The following DESI2 variants were observed in gnomAD, a reference collection of about 807,000 sequenced individuals.
The protein encoded by DESI2 is desumoylating isopeptidase 2.
Under a neutral mutation model 24.1 loss-of-function variants are expected in DESI2, and 10 were observed. The observed-to-expected ratio is 0.41, with a 90% CI of 0.26 to 0.70. The LOEUF (loss-of-function observed/expected upper bound fraction) is 0.70, where lower values mean the gene tolerates loss of function less well. Ranked by LOEUF, DESI2 falls within the 30% of genes least tolerant of loss-of-function variation. DESI2 has a pLI of 0.29. For synonymous variants in DESI2, 71 were observed against 87.7 expected (o/e 0.81, Z 1.06); for missense variants, 122 against 234.9 (o/e 0.52, Z 3.14).
chr1:244,681,561 C>T (rs1453111117), intron 1 of DESI2, among the ~76,000 whole-genome samples: 2 of 152,170 alleles, frequency 1.3e-5, no homozygotes, highest in Non-Finnish European at 2.9e-5. Context: ...GTTAGATTCT[C>T]ATAAGGAACG....
chr1:244,707,685 A>G lies in DESI2; in HGVS notation c.*1896A>G, dbSNP rs992285914. On this transcript the variant is annotated 3_prime_UTR_variant, in exon 5 of 5. Coordinates refer to ENST00000302550, the MANE Select transcript of DESI2 (RefSeq NM_016076.5). ...ACAGTGTTTTCTAATTCATTCAAGT[A>G]TATATGATTTAAACCTGGGCTACTG... 6.6e-6 allele frequency: 1 copy of G among 152,196 alleles called. No homozygotes were observed. Among genetic ancestry groups the G allele is most frequent in the African/African-American group, 2.4e-5 (1 of 41,446 alleles). 9.4% of individuals were successfully genotyped at this position (152,196 alleles called of 1,614,324 possible).
chr1:244,656,166 G>A (rs1432747187), intron 1 of DESI2: 2 of 152,176 alleles, frequency 1.3e-5, no homozygotes, highest in African/African-American at 4.8e-5. Flanking sequence ...TTCCAACTCT[G>A]TAAATATGAA....
chr1:244,661,754 G>C (rs1675852647), intron 1 of DESI2, among the ~76,000 whole-genome samples: 1 of 152,114 alleles, frequency 6.6e-6, no homozygotes, highest in Admixed American at 6.5e-5. Flanking sequence ...ATTTTTTATG[G>C]CTGCATAGTA....
rs539586173 is a variant in DESI2 at position 244,708,806 on chromosome 1, C to A, written c.*3017C>A. ...AGTTAGTAGGCTTTCGTTGTCTTCT[C>A]TTTCAATACATGTACATCTTTACTG... On this transcript the variant is annotated 3_prime_UTR_variant, in exon 5 of 5. Transcript: ENST00000302550. 6.5e-6 allele frequency: 1 copy of A among 152,736 alleles called. No homozygotes were observed. The highest frequency in any genetic ancestry group is 1.9e-4 in the East Asian group (1 of 5,190). The allele number at this position is 152,736 out of a possible 1,614,324, so 9.5% of individuals were successfully genotyped here. A position where few individuals can be genotyped will look rare whatever the true frequency, so the allele number is the denominator to read the frequency against.
intron 1 of DESI2, among the ~76,000 whole-genome samples, chr1:244,678,843 G>A (rs1391307654): frequency 6.6e-6 from 1 of 152,160 alleles, no homozygotes; most frequent in Non-Finnish European, 1.5e-5. Context: ...ACCTTTTGGT[G>A]CTGTCGTTAA....
At chr1:244,657,209 ACTC>A (rs1338653316) in intron 1 of DESI2, among the ~76,000 whole-genome samples, 1 of 152,048 alleles carries the variant, frequency 6.6e-6, no homozygotes, top group Non-Finnish European at 1.5e-5. Context: ...TCTCCATTAG[ACTC>A]CTCCAACAGG....
intron 4 of DESI2, among the ~76,000 whole-genome samples, chr1:244,693,867 A>G (rs1410529440): frequency 6.6e-6 from 1 of 152,246 alleles, no homozygotes; most frequent in Non-Finnish European, 1.5e-5. Flanking sequence ...AATATGGTAT[A>G]TATTCCATTA....
chr1:244,653,466 C>G, intron 1 of DESI2, 111 bp downstream of exon 1: 3 of 1,174,930 alleles, frequency 2.6e-6, no homozygotes, highest in Non-Finnish European at 3.6e-6. Flanking sequence ...CCGCCTCCAG[C>G]CTAGTTCTCG....
In DESI2 at chr1:244,661,918, C is replaced by T. The variant is rs561060083; in HGVS notation, c.42+8563C>T. Reference sequence around the variant, plus strand: ...AGCATGATTTATAATCCTTTGGGTACATACCCAGTAATGGGATGGCTGGGT... The same window carrying T: ...AGCATGATTTATAATCCTTTGGGTATATACCCAGTAATGGGATGGCTGGGT... On this transcript the variant is annotated intron_variant, in intron 1 of 4. Transcript: ENST00000302550. 3.0e-3 allele frequency among the ~76,000 whole-genome samples: 456 copies of T among 152,270 alleles called. 2 individuals carry two copies. The highest frequency in any genetic ancestry group is 0.01 in the African/African-American group (436 of 41,548).
rs886659468 is a variant in DESI2, at chr1:244,653,142, G to T, written c.-172G>T. On this transcript the variant is annotated 5_prime_UTR_variant, in exon 1 of 5. Coordinates refer to ENST00000302550, the MANE Select transcript of DESI2 (RefSeq NM_016076.5). ...CGTCCGCACAGACGCTCCTGTCGGC[G>T]GCGCCCGGGAGCGGCTCGGCTGCCC... is the stretch of plus-strand genomic sequence containing the variant. The T allele has an allele frequency of 1.8e-6, 1 of 545,126 alleles. No homozygotes were observed. The highest frequency in any genetic ancestry group is 2.8e-6 in the Non-Finnish European group (1 of 353,772). The allele number at this position is 545,126 out of a possible 1,614,324, so 33.8% of individuals were successfully genotyped here. A position where few individuals can be genotyped will look rare whatever the true frequency, so the allele number is the denominator to read the frequency against.
At chr1:244,673,863 A>C (rs1676325063) in intron 1 of DESI2, among the ~76,000 whole-genome samples, 2 of 152,178 alleles carry the variant, frequency 1.3e-5, no homozygotes, top group Non-Finnish European at 2.9e-5. Flanking sequence ...TCTGTATCTA[A>C]AGGAATGTTT....
chr1:244,676,329 A>G (rs1331667090), intron 1 of DESI2, among the ~76,000 whole-genome samples: 1 of 151,976 alleles, frequency 6.6e-6, no homozygotes, highest in Non-Finnish European at 1.5e-5. Context: ...CGCCCGCCTC[A>G]GCCTCCCAAA....
chr1:244,691,825 G>T, intron 3 of DESI2, 54 bp from the exon 4 acceptor site: 3 of 1,339,550 alleles, frequency 2.2e-6, no homozygotes, highest in South Asian at 1.6e-5. Flanking sequence ...ATAAATATTT[G>T]ACACAACTAT....
chr1:244,653,549 C>T (rs1471806680), intron 1 of DESI2, 194 bp downstream of exon 1: 1 of 568,012 alleles, frequency 1.8e-6, no homozygotes, highest in Non-Finnish European at 2.9e-6. Context: ...CCGGTGAACC[C>T]AGTCAGCCCG....
At chr1:244,700,343 C>T (rs1677398622) in intron 4 of DESI2, among the ~76,000 whole-genome samples, 1 of 152,102 alleles carries the variant, frequency 6.6e-6, no homozygotes. Context: ...TATCTCCTCC[C>T]CAGATTTAAA....
At position 244,657,617 on chromosome 1, in the gene DESI2, T is replaced by C. The variant is rs562214071; in HGVS notation, c.42+4262T>C. ...CTGGAAGGATACTTAAGTCCAGAGA[T>C]AAACAGGCCCTGGATTAGTTCAGCA... On this transcript the variant is annotated intron_variant, in intron 1 of 4. Transcript: ENST00000302550. 1.6e-4 allele frequency among the ~76,000 whole-genome samples: 24 copies of C among 152,348 alleles called. No homozygotes were observed. In the East Asian group the frequency reaches 4.6e-3, roughly 29 times the overall value.
chr1:244,692,254 A>T (rs950629522), intron 4 of DESI2, among the ~76,000 whole-genome samples: 18 of 152,316 alleles, frequency 1.2e-4, no homozygotes, highest in African/African-American at 4.1e-4. Flanking sequence ...GAGAGTAAGT[A>T]CAAATAATGG....
intron 4 of DESI2, among the ~76,000 whole-genome samples, chr1:244,704,583 G>A (rs1468801634): frequency 6.6e-6 from 1 of 152,132 alleles, no homozygotes; most frequent in Non-Finnish European, 1.5e-5. Flanking sequence ...CTGAAGCATG[G>A]CCAGGCTTCC....
At chr1:244,677,938 A>AATG (rs888630548) in intron 1 of DESI2, among the ~76,000 whole-genome samples, 1 of 152,030 alleles carries the variant, frequency 6.6e-6, no homozygotes, top group Non-Finnish European at 1.5e-5. Context: ...TAACAGTAAT[A>AATG]ATGATGATGA....
Sources: gnomAD v4.1 joint callset for allele counts (sites outside exome capture counted in the v4.1 genomes callset) on GRCh38, gnomAD v4.1.1 for gene constraint, MANE v1.5 for transcripts, NCBI Gene and HGNC (gene_info 2026-07-23, HGNC 2026-07-21) for gene names.